Variants in NCR3 observed in about 807,000 individuals in gnomAD.
NCR3 encodes the protein natural cytotoxicity triggering receptor 3.
Under a neutral mutation model 16.1 loss-of-function variants are expected in NCR3, and 13 were observed. The observed-to-expected ratio is 0.81, with a 90% confidence interval of 0.53 to 1.28. The LOEUF (loss-of-function observed/expected upper bound fraction) is 1.28. Among genes scored for constraint, NCR3 ranks in the 50% most tolerant of loss-of-function variants. NCR3 has a pLI of 0.00. For missense variants in NCR3, 202 were observed against 256.8 expected, an observed-to-expected ratio of 0.79 and a Z score of 1.46; for synonymous variants, 98 against 106.6, an observed-to-expected ratio of 0.92 and a Z score of 0.50.
Position 31,589,430 on chromosome 6 carries a change from C to G in NCR3, c.496+96G>C. ...CAGGAGCTGCTCAGTGTTGCAGTCC[C>G]GAGGCTCTCCTCTTCCTGGTCTCTG... On this transcript the variant is annotated intron_variant, in intron 3 of 3. Transcript: ENST00000340027. The surrounding 1 kb of genome is among the most constrained non-coding windows in gnomAD (Gnocchi z 4.8). 4 of 1,560,954 alleles carry G rather than the reference C, an allele frequency of 2.6e-6. No homozygotes were observed. The highest frequency in any genetic ancestry group is 1.2e-5 in the South Asian group (1 of 85,544).
In NCR3 at chr6:31,589,849, C is replaced by G. The variant is rs779160172; in HGVS notation, c.321G>C (p.Val107=). 1 of 1,613,276 alleles carries G rather than the reference C, an allele frequency of 6.2e-7. No individual in the cohort carries two copies. The highest frequency in any genetic ancestry group is 8.5e-7 in the Non-Finnish European group (1 of 1,180,040). ...CAAGGCCCAGCACCTCCACTCTGCA[C>G]ACGTAGATGCTGGCGTCATGGCCTC... ...DVRGHDASIY[V]CRVEVLGLGV... The change falls in exon 2 of 4, where the codon GTG becomes GTC. Residue 107 remains valine, a synonymous_variant. Transcript: ENST00000340027. The surrounding 1 kb of genome is among the most constrained non-coding windows in gnomAD (Gnocchi z 4.8).
In NCR3 at chr6:31,589,796, A is replaced by G. The variant is rs764953628; in HGVS notation, c.374T>C (p.Leu125Pro). The change falls in exon 2 of 4, where the codon CTG (leucine) becomes CCG (proline). Residue 125 changes from leucine to proline, a missense_variant. Physicochemically the swap from Leu to Pro is moderately conservative, Grantham distance 98 (BLOSUM62 -3). Coordinates refer to ENST00000340027, the MANE Select transcript of NCR3 (RefSeq NM_147130.3). The surrounding 1 kb of genome is among the most constrained non-coding windows in gnomAD (Gnocchi z 4.8). The part of the protein sequence containing the change: ...LGVGTGNGTR[L>P]VVEKEHPQLG... ...CAGCATCTCACCTTTCTCCACCACC[A>G]GCCGAGTCCCATTCCCTGTCCCGAC... 6.2e-7 allele frequency: 1 copy of G among 1,610,566 alleles called. No individual in the cohort carries two copies. The highest frequency in any genetic ancestry group is 8.5e-7 in the Non-Finnish European group (1 of 1,178,056).
chr6:31,588,903 C>T lies in NCR3; in HGVS notation c.*164G>A. 2 of 912,948 alleles carry T rather than the reference C, an allele frequency of 2.2e-6. No homozygotes were observed. The highest frequency in any genetic ancestry group is 6.8e-4 in the Middle Eastern group (2 of 2,938). 56.6% of individuals were successfully genotyped at this position (912,948 alleles called of 1,614,324 possible). On this transcript the variant is annotated 3_prime_UTR_variant, in exon 4 of 4. Coordinates refer to ENST00000340027, the MANE Select transcript of NCR3 (RefSeq NM_147130.3). ...TAAAAAAAACACATGGCTCACCCTT[C>T]CACCCACTCTGGGGTCAAATAGTAA...
In NCR3 at chr6:31,589,952, A is replaced by T; in HGVS notation, c.218T>A (p.Phe73Tyr). The change falls in exon 2 of 4, where the codon TTC becomes TAC. Residue 73 changes from phenylalanine to tyrosine, a missense_variant. Phe to Tyr is a conservative substitution (Grantham distance 22). Transcript: ENST00000340027. This position sits in a 1 kb window ranked among gnomAD's most constrained non-coding sequence, Gnocchi z 4.8. ...AGCAAGTGGGGCCAGGCGGCCCCTG[A>T]ACTCTGGGGTTCCATTCCTCACCTC... ...GKEVRNGTPE[F>Y]RGRLAPLASS... The T allele has an allele frequency of 6.2e-7, 1 of 1,613,072 alleles. No individual in the cohort carries two copies. The highest frequency in any genetic ancestry group is 1.3e-5 in the African/African-American group (1 of 75,052).
chr6:31,592,527 C>A, intron 1 of NCR3, 152 bp downstream of exon 1: 1 of 737,298 alleles, frequency 1.4e-6, no homozygotes, highest in South Asian at 1.6e-5. Flanking sequence ...GGGGAGTCCA[C>A]TGAGTGTCAC....
In NCR3 at chr6:31,589,352, T is replaced by A; in HGVS notation, c.496+174A>T. The A allele has an allele frequency of 6.4e-7, 1 of 1,552,300 alleles. No individual in the cohort carries two copies. The stretch of plus-strand genomic sequence containing the variant: ...CTCTGGAATCACTCCTCGGGGCCCA[T>A]CTGAGGAGTGGCAGTGTGTTCCCAT... On this transcript the variant is annotated intron_variant, in intron 3 of 3. Coordinates refer to ENST00000340027, the MANE Select transcript of NCR3 (RefSeq NM_147130.3). The surrounding 1 kb of genome is among the most constrained non-coding windows in gnomAD (Gnocchi z 4.8).
rs1772386088 is a variant in NCR3, at chr6:31,589,220, T to G, written c.497-44A>C. On this transcript the variant is annotated intron_variant, in intron 3 of 3. Coordinates refer to ENST00000340027, the MANE Select transcript of NCR3 (RefSeq NM_147130.3). This position sits in a 1 kb window ranked among gnomAD's most constrained non-coding sequence, Gnocchi z 4.8. ...CAGAGTTGGGGGAATCCGGAGAGAGTAGATTTGGCATCTGGAGAATGGAGA... is the reference window on the plus strand; with the variant it reads ...CAGAGTTGGGGGAATCCGGAGAGAGGAGATTTGGCATCTGGAGAATGGAGA... 8 of 1,597,282 alleles carry G rather than the reference T, an allele frequency of 5.0e-6. No homozygotes were observed. The highest frequency in any genetic ancestry group is 6.8e-6 in the Non-Finnish European group (8 of 1,171,726).
chr6:31,589,950 T>A lies in NCR3; in HGVS notation c.220A>T (p.Arg74Trp), dbSNP rs1219174213. 1.2e-6 allele frequency: 2 copies of A among 1,613,000 alleles called. No individual in the cohort carries two copies. The highest frequency in any genetic ancestry group is 4.5e-5 in the East Asian group (2 of 44,898). ...KEVRNGTPEF[R>W]GRLAPLASSR... is the part of the protein sequence containing the mutation. ...GAAGCAAGTGGGGCCAGGCGGCCCC[T>A]GAACTCTGGGGTTCCATTCCTCACC... Residue 74 changes from arginine to tryptophan, a missense_variant, in exon 2 of 4, where the codon AGG (arginine) becomes TGG (tryptophan). Coordinates refer to ENST00000340027, the MANE Select transcript of NCR3 (RefSeq NM_147130.3). The surrounding 1 kb of genome is among the most constrained non-coding windows in gnomAD (Gnocchi z 4.8).
rs776934117 is a variant in NCR3 at position 31,589,556 on chromosome 6, C to G, written c.466G>C (p.Val156Leu). The change falls in exon 3 of 4, where the codon GTG becomes CTG. Residue 156 changes from valine (V) to leucine (L), a missense_variant. By Grantham distance (32) the Val-to-Leu change is conservative. Transcript: ENST00000340027. The surrounding 1 kb of genome is among the most constrained non-coding windows in gnomAD (Gnocchi z 4.8). ...FYAVSFLSVA[V>L]GSTVYYQGKC... is the part of the protein sequence containing the mutation. The stretch of plus-strand genomic sequence containing the variant: ...CCCTGGTAATAGACGGTGCTGCCCA[C>G]GGCCACAGAGAGAAAGCTGACAGCA... The G allele has an allele frequency of 3.1e-6, 5 of 1,613,928 alleles. No individual in the cohort carries two copies. Among genetic ancestry groups the G allele is most frequent in the Non-Finnish European group, 4.2e-6 (5 of 1,180,040 alleles).
rs190691724 is a variant in NCR3 at position 31,592,001 on chromosome 6, G to A, written c.43+678C>T. ...GCAGTGGCTCAGGCCTGTAATCCCC[G>A]CACTTTAGGAGGCCGAGGCAGGCAG... On this transcript the variant is annotated intron_variant, in intron 1 of 3. Coordinates refer to ENST00000340027, the MANE Select transcript of NCR3 (RefSeq NM_147130.3). 2.6e-3 allele frequency among the ~76,000 whole-genome samples: 398 copies of A among 151,632 alleles called. 3 individuals are homozygous for A. The highest frequency in any genetic ancestry group is 9.0e-3 in the African/African-American group (370 of 41,334).
At chr6:31,591,169 A>C (rs1172941901) in intron 1 of NCR3, among the ~76,000 whole-genome samples, 1 of 152,150 alleles carries the variant, frequency 6.6e-6, no homozygotes, top group Admixed American at 6.5e-5. Context: ...GGTTTTCGTT[A>C]AAGAAAGTAA....
At position 31,589,916 on chromosome 6, in the gene NCR3, A is replaced by G. The variant is rs1404957448; in HGVS notation, c.254T>C (p.Phe85Ser). The G allele has an allele frequency of 6.2e-7, 1 of 1,613,020 alleles. No homozygotes were observed. The highest frequency in any genetic ancestry group is 8.5e-7 in the Non-Finnish European group (1 of 1,180,042). ...CAGCTCAGCCTGGTGGTCATGGAGG[A>G]AACGGGAAGAAGCAAGTGGGGCCAG... Reference protein sequence around the residue: ...GRLAPLASSRFLHDHQAELHI... With the variant: ...GRLAPLASSRSLHDHQAELHI... Residue 85 changes from phenylalanine to serine, a missense_variant, in exon 2 of 4, where the codon TTC becomes TCC. Transcript: ENST00000340027. This position sits in a 1 kb window ranked among gnomAD's most constrained non-coding sequence, Gnocchi z 4.8.
rs748018767 is a variant in NCR3 at position 31,590,060 on chromosome 6, A to G, written c.110T>C (p.Leu37Pro). ...TTGGCTGGCATTGAAGGAGCAGGGC[A>G]GGAAGGCAGAGGATCCTTCCAGGGT... ...IRTLEGSSAF[L>P]PCSFNASQGR... The change falls in exon 2 of 4, where the codon CTG becomes CCG. Residue 37 changes from leucine (L) to proline (P), a missense_variant. By Grantham distance (98) the Leu-to-Pro change is moderately conservative. Transcript: ENST00000340027. The G allele has an allele frequency of 1.9e-6, 3 of 1,613,026 alleles. No individual in the cohort carries two copies. In the South Asian group the frequency reaches 3.3e-5, roughly 18 times the overall value.
chr6:31,590,196 G>A (rs1772517934), intron 1 of NCR3, 70 bp from the exon 2 acceptor site: 1 of 1,369,300 alleles, frequency 7.3e-7, no homozygotes, highest in Non-Finnish European at 9.9e-7. Context: ...AACAGAGCTT[G>A]GAGTAGAACA....
Position 31,589,805 on chromosome 6 carries a change from C to G in NCR3, c.365G>C (p.Gly122Ala). The G allele has an allele frequency of 6.2e-7, 1 of 1,612,424 alleles. No individual in the cohort carries two copies. Among genetic ancestry groups the G allele is most frequent in the Non-Finnish European group, 8.5e-7 (1 of 1,179,382 alleles). The stretch of plus-strand genomic sequence containing the variant: ...ACCTTTCTCCACCACCAGCCGAGTC[C>G]CATTCCCTGTCCCGACACCAAGGCC... The part of the protein sequence containing the change: ...VLGLGVGTGN[G>A]TRLVVEKEHP... The change falls in exon 2 of 4, where the codon GGG becomes GCG. Residue 122 changes from glycine (G) to alanine (A), a missense_variant. Physicochemically the swap from Gly to Ala is moderately conservative, Grantham distance 60. Coordinates refer to ENST00000340027, the MANE Select transcript of NCR3 (RefSeq NM_147130.3). This position sits in a 1 kb window ranked among gnomAD's most constrained non-coding sequence, Gnocchi z 4.8.
In NCR3 at chr6:31,590,134, C is replaced by T. The variant is rs533711631; in HGVS notation, c.44-8G>A. ...CCCAGAGAGCACAGGATCCTGGGGG[C>T]AGAAGGAAGACCCAGAGAAACACCT... On this transcript the variant is annotated splice_polypyrimidine_tract_variant and splice_region_variant and intron_variant, in intron 1 of 3. Transcript: ENST00000340027. 2.2e-4 allele frequency: 353 copies of T among 1,595,376 alleles called. 2 individuals are homozygous for T. The Middle Eastern group carries it at 4.2e-3, about 19-fold the overall frequency.
chr6:31,590,229 G>T, intron 1 of NCR3, 103 bp from the exon 2 acceptor site: 1 of 957,310 alleles, frequency 1.0e-6, no homozygotes, highest in South Asian at 1.7e-5. Flanking sequence ...CCAGGCATAG[G>T]GTGCATGGGA....
intron 1 of NCR3, among the ~76,000 whole-genome samples, chr6:31,591,976 G>A (rs1398188484): frequency 5.3e-5 from 8 of 151,956 alleles, no homozygotes; most frequent in Non-Finnish European, 1.0e-4. Context: ...ATGGCTGGGC[G>A]CAGTGGCTCA....
At chr6:31,590,696 C>T (rs545752479) in intron 1 of NCR3, among the ~76,000 whole-genome samples, 1 of 152,308 alleles carries the variant, frequency 6.6e-6, no homozygotes, top group South Asian at 2.1e-4. Context: ...TCAGTAGTAA[C>T]TTGTCTAGCT....
Sources: gnomAD v4.1 joint callset for allele counts (sites outside exome capture counted in the v4.1 genomes callset) on GRCh38, gnomAD v4.1.1 for gene constraint, Gnocchi (gnomAD v3.1) non-coding constraint, MANE v1.5 for transcripts, NCBI Gene and HGNC (gene_info 2026-07-23, HGNC 2026-07-21) for gene names.